KHDRBS3: variants seen among roughly 807,000 people sequenced by gnomAD.
The protein encoded by KHDRBS3 is KH domain-containing, RNA-binding, signal transduction-associated protein 3.
Under a neutral mutation model 45.6 loss-of-function variants are expected in KHDRBS3, and 23 were observed. The ratio of observed to expected loss-of-function variants is 0.50; its 90% CI spans 0.36 to 0.72. The LOEUF (loss-of-function observed/expected upper bound fraction) is 0.72, where lower values mean the gene tolerates loss of function less well. Ranked by LOEUF, KHDRBS3 falls within the 30% of genes least tolerant of loss-of-function variation. The pLI is 0.00. For missense variants in KHDRBS3, 352 were observed against 424.8 expected, an observed-to-expected ratio of 0.83 and a Z score of 1.51; for synonymous variants, 162 against 156.5, an observed-to-expected ratio of 1.04 and a Z score of -0.26.
intron 7 of KHDRBS3, among the ~76,000 whole-genome samples, chr8:135,631,860 G>A (rs968006035): frequency 1.3e-5 from 2 of 152,148 alleles, no homozygotes; most frequent in Non-Finnish European, 2.9e-5. Context: ...ATAATTGTAT[G>A]TGCTAGACTT....
At chr8:135,528,441 T>A (rs1825303392) in intron 2 of KHDRBS3, among the ~76,000 whole-genome samples, 2 of 152,218 alleles carry the variant, frequency 1.3e-5, no homozygotes, top group Admixed American at 1.3e-4. Flanking sequence ...TTTACAGTCA[T>A]AGAGATATGT....
intron 1 of KHDRBS3, among the ~76,000 whole-genome samples, chr8:135,469,085 A>G (rs916186498): frequency 1.3e-5 from 2 of 152,280 alleles, no homozygotes; most frequent in African/African-American, 4.8e-5. Context: ...GCATAGGGTC[A>G]GCTGAGAGGC....
intron 1 of KHDRBS3, among the ~76,000 whole-genome samples, chr8:135,510,438 G>A (rs926042040): frequency 6.6e-6 from 1 of 152,098 alleles, no homozygotes; most frequent in Non-Finnish European, 1.5e-5. Context: ...GAGGATAGTT[G>A]ATGGTGCTTT....
At chr8:135,624,505 A>G (rs1259745825) in intron 7 of KHDRBS3, among the ~76,000 whole-genome samples, 2 of 152,222 alleles carry the variant, frequency 1.3e-5, no homozygotes, top group African/African-American at 4.8e-5. Flanking sequence ...CTTCAACTCA[A>G]ACATCTCAAG....
At chr8:135,515,458 A>AT (rs1295929573) in intron 1 of KHDRBS3, among the ~76,000 whole-genome samples, 124 of 125,390 alleles carry the variant, frequency 9.9e-4, no homozygotes, top group African/African-American at 2.8e-3. Context: ...GTCGTTGTTG[A>AT]TTTTTTTTTG....
chr8:135,468,697 C>A (rs566000037), intron 1 of KHDRBS3, among the ~76,000 whole-genome samples: 1 of 152,312 alleles, frequency 6.6e-6, no homozygotes, highest in African/African-American at 2.4e-5. Context: ...GGAGCCCAGG[C>A]TTTATTACCA....
intron 6 of KHDRBS3, among the ~76,000 whole-genome samples, chr8:135,598,245 G>A (rs1829056673): frequency 6.6e-6 from 1 of 152,206 alleles, no homozygotes; most frequent in Non-Finnish European, 1.5e-5. Flanking sequence ...GCTTGAGAGT[G>A]TTAAAAGGAA....
chr8:135,638,530 A>G (rs1174135778), intron 7 of KHDRBS3, among the ~76,000 whole-genome samples: 1 of 152,240 alleles, frequency 6.6e-6, no homozygotes, highest in African/African-American at 2.4e-5. Flanking sequence ...CTGGAAAACT[A>G]ACACCTTGAA....
chr8:135,473,678 CTTAT>C (rs983165672), intron 1 of KHDRBS3, among the ~76,000 whole-genome samples: 3 of 152,214 alleles, frequency 2.0e-5, no homozygotes, highest in South Asian at 4.1e-4. Flanking sequence ...TCAGTTCTTA[CTTAT>C]TTATTTATTT....
chr8:135,471,047 A>G (rs1821990948), intron 1 of KHDRBS3, among the ~76,000 whole-genome samples: 2 of 152,158 alleles, frequency 1.3e-5, no homozygotes, highest in African/African-American at 2.4e-5. Flanking sequence ...GAGTAGGACA[A>G]GTTTTCTTGT....
At chr8:135,581,682 C>T (rs990678511) in intron 5 of KHDRBS3, among the ~76,000 whole-genome samples, 196 bp from the exon 6 acceptor site, 5 of 152,192 alleles carry the variant, frequency 3.3e-5, no homozygotes, top group African/African-American at 4.8e-5. Context: ...TGTTGCTAGA[C>T]GAACTGCCTA....
chr8:135,562,070 T>C (rs1026016467), intron 5 of KHDRBS3, among the ~76,000 whole-genome samples: 2 of 152,184 alleles, frequency 1.3e-5, no homozygotes, highest in Admixed American at 6.5e-5. Flanking sequence ...TTAAAATAAA[T>C]TTAGTGTAGT....
At chr8:135,577,936 G>T (rs181118798) in intron 5 of KHDRBS3, among the ~76,000 whole-genome samples, 1 of 152,116 alleles carries the variant, frequency 6.6e-6, no homozygotes, top group African/African-American at 2.4e-5. Flanking sequence ...ATTTTAATAC[G>T]TGAGAAGTGG....
At chr8:135,627,800 T>C (rs1486108405) in intron 7 of KHDRBS3, among the ~76,000 whole-genome samples, 3 of 152,328 alleles carry the variant, frequency 2.0e-5, no homozygotes, top group African/African-American at 7.2e-5. Flanking sequence ...CCATCTCCTT[T>C]TGATTCTGAA....
At chr8:135,518,687 C>T (rs1352931770) in intron 1 of KHDRBS3, among the ~76,000 whole-genome samples, 1 of 151,974 alleles carries the variant, frequency 6.6e-6, no homozygotes, top group East Asian at 1.9e-4. Flanking sequence ...ATTGTTATAC[C>T]CGGAGCAGCT....
At chr8:135,567,677 T>C (rs1827495792) in intron 5 of KHDRBS3, among the ~76,000 whole-genome samples, 1 of 152,170 alleles carries the variant, frequency 6.6e-6, no homozygotes, top group South Asian at 2.1e-4. Context: ...GATCAGGTTT[T>C]TAAAAGCCTG....
At chr8:135,597,536 T>TA (rs1829025749) in intron 6 of KHDRBS3, among the ~76,000 whole-genome samples, 1 of 152,102 alleles carries the variant, frequency 6.6e-6, no homozygotes, top group African/African-American at 2.4e-5. Context: ...TCCCTGGCCA[T>TA]AGTGTCTAAA....
chr8:135,527,882 T>C (rs1378541308), intron 2 of KHDRBS3, among the ~76,000 whole-genome samples: 1 of 152,226 alleles, frequency 6.6e-6, no homozygotes, highest in Non-Finnish European at 1.5e-5. Flanking sequence ...GATATTTTTC[T>C]ACTTTACACG....
intron 5 of KHDRBS3, among the ~76,000 whole-genome samples, chr8:135,558,398 T>A (rs573958473): frequency 6.6e-6 from 1 of 152,220 alleles, no homozygotes; most frequent in South Asian, 2.1e-4. Flanking sequence ...ATTAAACTAA[T>A]GACTATGGAT....
Sources: gnomAD v4.1 joint callset for allele counts (sites outside exome capture counted in the v4.1 genomes callset) on GRCh38, gnomAD v4.1.1 for gene constraint, MANE v1.5 for transcripts, NCBI Gene and HGNC (gene_info 2026-07-23, HGNC 2026-07-21) for gene names.